The following SLC16A7 variants were observed in gnomAD, a reference collection of about 807,000 sequenced individuals.
SLC16A7 encodes the protein monocarboxylate transporter 2.
A neutral mutation model predicts 34.9 loss-of-function variants in SLC16A7; 33 were observed. That is an observed-to-expected ratio of 0.94 (90% CI 0.72 to 1.26). The LOEUF is 1.26. SLC16A7 is among the 50% of genes most tolerant of loss of function. The probability of loss-of-function intolerance (pLI) is 0.00; values close to 1 mark genes in which losing one functional copy is unlikely to be tolerated. For missense variants in SLC16A7, 573 were observed against 578.1 expected (o/e 0.99, Z 0.09); for synonymous variants, 201 against 206.6 (o/e 0.97, Z 0.23).
At chr12:59,708,598 T>A (rs1431035106) in intron 3 of SLC16A7, among the ~76,000 whole-genome samples, 1 of 152,152 alleles carries the variant, frequency 6.6e-6, no homozygotes, top group Non-Finnish European at 1.5e-5. Context: ...TTCAACACAA[T>A]GCTAATTGCA....
chr12:59,643,045 A>T (rs1293753325), intron 1 of SLC16A7, among the ~76,000 whole-genome samples: 1 of 152,100 alleles, frequency 6.6e-6, no homozygotes, highest in African/African-American at 2.4e-5. Context: ...ATTTAGATTA[A>T]TATAATTCAC....
chr12:59,769,532 G>T (rs1012167688), intron 3 of SLC16A7, among the ~76,000 whole-genome samples: 1 of 151,840 alleles, frequency 6.6e-6, no homozygotes, highest in Non-Finnish European at 1.5e-5. Flanking sequence ...AAAGTTTTAT[G>T]TTGCTTGCTA....
At chr12:59,763,393 T>G (rs1881222431) in intron 3 of SLC16A7, among the ~76,000 whole-genome samples, 1 of 152,122 alleles carries the variant, frequency 6.6e-6, no homozygotes, top group Non-Finnish European at 1.5e-5. Context: ...TATCAAAAAT[T>G]ATTTGTAATG....
chr12:59,779,153 A>C (rs2711650), intron 5 of SLC16A7, among the ~76,000 whole-genome samples: 7,374 of 143,298 alleles, frequency 0.051, 564 homozygotes, highest in African/African-American at 0.21. Flanking sequence ...TATACACACA[A>C]AAAATGCCTA....
In SLC16A7 at chr12:59,779,459, T is replaced by C. The variant is rs1233826283; in HGVS notation, c.1217T>C (p.Met406Thr). 5 of 1,610,074 alleles carry C rather than the reference T, an allele frequency of 3.1e-6. No individual in the cohort carries two copies. The highest frequency in any genetic ancestry group is 1.7e-5 in the Admixed American group (1 of 59,546). The part of the protein sequence containing the change: ...LVDLTGEYKY[M>T]YMSCGAIVVA... ...GATTTAACTGGAGAATATAAATACATGTACATGTCCTGTGGGGCTATTGTG... is the reference window on the plus strand; with the variant it reads ...GATTTAACTGGAGAATATAAATACACGTACATGTCCTGTGGGGCTATTGTG... The change falls in exon 6 of 6, where the codon ATG becomes ACG. Residue 406 changes from methionine (M) to threonine (T), a missense_variant. By Grantham distance (81) the Met-to-Thr change is moderately conservative. Coordinates refer to ENST00000547379, the MANE Select transcript of SLC16A7 (RefSeq NM_001270623.2).
chr12:59,615,863 G>A (rs2136974153), intron 1 of SLC16A7, among the ~76,000 whole-genome samples: 2 of 152,324 alleles, frequency 1.3e-5, no homozygotes, highest in South Asian at 4.1e-4. Flanking sequence ...TGAAAAGAGA[G>A]TCTGCTGGAA....
intron 3 of SLC16A7, among the ~76,000 whole-genome samples, chr12:59,753,168 C>T (rs1025644915): frequency 7.2e-5 from 11 of 152,134 alleles, no homozygotes; most frequent in Non-Finnish European, 1.3e-4. Flanking sequence ...ATTGTAAAGT[C>T]CATCGAGGCT....
At chr12:59,611,896 C>A (rs1879211114) in intron 1 of SLC16A7, among the ~76,000 whole-genome samples, 1 of 152,208 alleles carries the variant, frequency 6.6e-6, no homozygotes, top group African/African-American at 2.4e-5. Flanking sequence ...TCACATATGG[C>A]CTTGGGCAGC....
intron 2 of SLC16A7, among the ~76,000 whole-genome samples, chr12:59,657,001 G>A (rs1260496275): frequency 6.6e-6 from 1 of 151,888 alleles, no homozygotes; most frequent in Non-Finnish European, 1.5e-5. Context: ...GTTCTTTATA[G>A]GGCTGTTGTG....
intron 1 of SLC16A7, among the ~76,000 whole-genome samples, chr12:59,601,152 G>C (rs1442136445): frequency 6.6e-6 from 1 of 152,132 alleles, no homozygotes; most frequent in Non-Finnish European, 1.5e-5. Flanking sequence ...GTATTTTGTA[G>C]AAAGCATTTT....
At chr12:59,680,952 C>T (rs1338918854) in intron 2 of SLC16A7, among the ~76,000 whole-genome samples, 1 of 152,192 alleles carries the variant, frequency 6.6e-6, no homozygotes. Flanking sequence ...TGCACTACTG[C>T]TTTCTCACCA....
intron 2 of SLC16A7, among the ~76,000 whole-genome samples, chr12:59,696,147 C>T (rs193132586): frequency 2.4e-4 from 37 of 151,604 alleles, no homozygotes; most frequent in African/African-American, 8.5e-4. Flanking sequence ...GGCTTGTAAT[C>T]TACTGTTTTT....
At chr12:59,703,150 A>C (rs1032196807) in intron 2 of SLC16A7, among the ~76,000 whole-genome samples, 1 of 152,120 alleles carries the variant, frequency 6.6e-6, no homozygotes, top group Non-Finnish European at 1.5e-5. Flanking sequence ...ATTCAATAAG[A>C]TAAGTAATTT....
chr12:59,677,399 A>G (rs1870399098), intron 2 of SLC16A7, among the ~76,000 whole-genome samples: 2 of 152,188 alleles, frequency 1.3e-5, no homozygotes, highest in African/African-American at 4.8e-5. Context: ...GCTTACTCCA[A>G]ATTGGAACTT....
rs115775734 is a variant in SLC16A7 at position 59,718,438 on chromosome 12, G to A, written c.217+13420G>A. ...GTGGTAGGGCATGGAGGATTTGGCT[G>A]TGTTCAGATTCCAGTGCTGCTTCCT... On this transcript the variant is annotated intron_variant, in intron 3 of 5. Transcript: ENST00000547379. Among the ~76,000 whole-genome samples the A allele has an allele frequency of 3.6e-3, 549 of 152,224 alleles. 4 individuals carry two copies. Among genetic ancestry groups the A allele is most frequent in the African/African-American group, 0.012 (515 of 41,562 alleles).
chr12:59,710,214 G>A (rs544447475), intron 3 of SLC16A7, among the ~76,000 whole-genome samples: 395 of 152,264 alleles, frequency 2.6e-3, no homozygotes, highest in Middle Eastern at 0.01. Flanking sequence ...GGGCTTAGCA[G>A]TCAACCTATT....
intron 1 of SLC16A7, among the ~76,000 whole-genome samples, chr12:59,620,097 A>G (rs1019590591): frequency 1.3e-5 from 2 of 151,914 alleles, no homozygotes; most frequent in Non-Finnish European, 2.9e-5. Flanking sequence ...GCTGCCTAAC[A>G]ACACTCTGCA....
chr12:59,668,479 G>A lies in SLC16A7; in HGVS notation c.-31+13229G>A, dbSNP rs186483234. Among the ~76,000 whole-genome samples, 18 of 152,276 alleles carry A rather than the reference G, an allele frequency of 1.2e-4. No homozygotes were observed. The East Asian group carries it at 3.3e-3, about 28-fold the overall frequency. On this transcript the variant is annotated intron_variant, in intron 2 of 5. Transcript: ENST00000547379. ...CCGTATTGGATTTAGGATGTGTGTG[G>A]AGCCTGTAGTCCCTTTATTTTTTGC... is the stretch of plus-strand genomic sequence containing the variant.
At chr12:59,776,529 C>T (rs1444267405) in intron 5 of SLC16A7, among the ~76,000 whole-genome samples, 1 of 152,200 alleles carries the variant, frequency 6.6e-6, no homozygotes, top group African/African-American at 2.4e-5. Flanking sequence ...CCTGCTCTCT[C>T]ATGGTCAGAG....
Sources: allele counts gnomAD v4.1 joint callset (sites outside exome capture counted in the v4.1 genomes callset), GRCh38; gene constraint gnomAD v4.1.1; transcripts MANE v1.5; gene names NCBI Gene and HGNC (gene_info 2026-07-23, HGNC 2026-07-21).